Variants in PCDHB4 observed in about 807,000 individuals in gnomAD.
PCDHB4 encodes the protein protocadherin beta-4.
For synonymous variants in PCDHB4, 482 were observed against 447.3 expected, an observed-to-expected ratio of 1.08 and a Z score of -0.98; for missense variants, 1,063 against 1,007.0, an observed-to-expected ratio of 1.06 and a Z score of -0.75.
In PCDHB4 at chr5:141,122,101, T is replaced by C. The variant is rs782003483; in HGVS notation, c.103T>C (p.Leu35=). 1.9e-6 allele frequency: 3 copies of C among 1,614,208 alleles called. No homozygotes were observed. The highest frequency in any genetic ancestry group is 2.5e-6 in the Non-Finnish European group (3 of 1,180,022). Residue 35 remains leucine, a synonymous_variant, in exon 1 of 1, where the codon TTG becomes CTG. Transcript: ENST00000194152. ...VRLEPIRYSV[L]EETESGSFVA... ...CCTCGAGCCTATTCGTTATTCTGTG[T>C]TGGAGGAAACAGAGAGCGGCTCCTT...
chr5:141,123,889 G>A lies in PCDHB4; in HGVS notation c.1891G>A (p.Glu631Lys), dbSNP rs781879874. The change falls in exon 1 of 1, where the codon GAG becomes AAG. Residue 631 changes from glutamate (E) to lysine (K), a missense_variant. Physicochemically the swap from Glu to Lys is moderately conservative, Grantham distance 56 (BLOSUM62 1). Coordinates refer to ENST00000194152, the MANE Select transcript of PCDHB4 (RefSeq NM_018938.4). Reference sequence around the variant, plus strand: ...GGTGCGCACCGCCAGGCTGCTGAGCGAGCGCGACGCAGCCAAGCACAGGCT... The same window carrying A: ...GGTGCGCACCGCCAGGCTGCTGAGCAAGCGCGACGCAGCCAAGCACAGGCT... ...GEVRTARLLS[E>K]RDAAKHRLVV... 1.2e-6 allele frequency: 2 copies of A among 1,606,744 alleles called. No homozygotes were observed. Among genetic ancestry groups the A allele is most frequent in the Non-Finnish European group, 1.7e-6 (2 of 1,179,648 alleles).
At position 141,122,660 on chromosome 5, in the gene PCDHB4, G is replaced by C; in HGVS notation, c.662G>C (p.Arg221Thr). 2 of 1,614,210 alleles carry C rather than the reference G, an allele frequency of 1.2e-6. No homozygotes were observed. The highest frequency in any genetic ancestry group is 2.2e-5 in the East Asian group (1 of 44,874). Residue 221 changes from arginine to threonine, a missense_variant, in exon 1 of 1, where the codon AGG becomes ACG. Transcript: ENST00000194152. ...GCGCTGGATGGTGGGTCACCACCTAGGTCTGGCACGGTCATGGTTCGAATC... is the reference window on the plus strand; with the variant it reads ...GCGCTGGATGGTGGGTCACCACCTACGTCTGGCACGGTCATGGTTCGAATC... Reference protein sequence around the residue: ...LVALDGGSPPRSGTVMVRILI... With the variant: ...LVALDGGSPPTSGTVMVRILI...
Position 141,124,129 on chromosome 5 carries a change from C to T in PCDHB4, c.2131C>T (p.Arg711Trp). The change falls in exon 1 of 1, where the codon CGG becomes TGG. Residue 711 changes from arginine (R) to tryptophan (W), a missense_variant. Arg to Trp is a moderately radical substitution (Grantham distance 101). Coordinates refer to ENST00000194152, the MANE Select transcript of PCDHB4 (RefSeq NM_018938.4). ...LFSVLLFVAV[R>W]LCRRSRAASV... ...CTCGGTGCTCCTGTTCGTGGCGGTG[C>T]GGCTGTGCAGGAGGAGCAGGGCGGC... The T allele has an allele frequency of 1.2e-6, 2 of 1,611,284 alleles. No homozygotes were observed. The highest frequency in any genetic ancestry group is 1.7e-6 in the Non-Finnish European group (2 of 1,179,892).
rs1554274661 is a variant in PCDHB4 at position 141,123,878 on chromosome 5, G to C, written c.1880G>C (p.Arg627Thr). ...CACAATGGCGAGGTGCGCACCGCCA[G>C]GCTGCTGAGCGAGCGCGACGCAGCC... Reference protein sequence around the residue: ...WAHNGEVRTARLLSERDAAKH... With the variant: ...WAHNGEVRTATLLSERDAAKH... The change falls in exon 1 of 1, where the codon AGG becomes ACG. Residue 627 changes from arginine (R) to threonine (T), a missense_variant. Coordinates refer to ENST00000194152, the MANE Select transcript of PCDHB4 (RefSeq NM_018938.4). The C allele has an allele frequency of 5.0e-6, 8 of 1,607,198 alleles. No homozygotes were observed. The highest frequency in any genetic ancestry group is 6.8e-6 in the Non-Finnish European group (8 of 1,179,656).
chr5:141,123,420 C>T lies in PCDHB4; in HGVS notation c.1422C>T (p.Ala474=). The change falls in exon 1 of 1, where the codon GCC becomes GCT. Residue 474 remains alanine (A), a synonymous_variant. Transcript: ENST00000194152. ...CCCTGCACATCGGCAGTGTCAGCGC[C>T]ACAGACAGAGACTCGGGCACCAACG... is the stretch of plus-strand genomic sequence containing the variant. The part of the protein sequence containing the change: ...SPALHIGSVS[A]TDRDSGTNAQ... The T allele has an allele frequency of 2.5e-6, 4 of 1,610,598 alleles. No individual in the cohort carries two copies. The highest frequency in any genetic ancestry group is 3.4e-6 in the Non-Finnish European group (4 of 1,178,018).
rs782339013 is a variant in PCDHB4 at position 141,122,099 on chromosome 5, T to C, written c.101T>C (p.Val34Ala). Residue 34 changes from valine to alanine, a missense_variant, in exon 1 of 1, where the codon GTG (valine) becomes GCG (alanine). Coordinates refer to ENST00000194152, the MANE Select transcript of PCDHB4 (RefSeq NM_018938.4). ...QVRLEPIRYS[V>A]LEETESGSFV... ...CGCCTCGAGCCTATTCGTTATTCTG[T>C]GTTGGAGGAAACAGAGAGCGGCTCC... The C allele has an allele frequency of 3.1e-6, 5 of 1,614,034 alleles. No homozygotes were observed. Among genetic ancestry groups the C allele is most frequent in the Admixed American group, 1.7e-5 (1 of 60,000 alleles).
Position 141,122,797 on chromosome 5 carries a change from G to T in PCDHB4, c.799G>T (p.Asp267Tyr), listed in dbSNP as rs782533973. 1 of 1,614,138 alleles carries T rather than the reference G, an allele frequency of 6.2e-7. No individual in the cohort carries two copies. Among genetic ancestry groups the T allele is most frequent in the Non-Finnish European group, 8.5e-7 (1 of 1,180,010 alleles). ...TCCAATTGTTAGGGTCTTAGCTAGA[G>T]ATATAGATGCTGGAAACTTCGGGAG... is the stretch of plus-strand genomic sequence containing the variant. ...DSPIVRVLAR[D>Y]IDAGNFGSVS... Residue 267 changes from aspartate (D) to tyrosine (Y), a missense_variant, in exon 1 of 1, where the codon GAT (aspartate) becomes TAT (tyrosine). Physicochemically the swap from Asp to Tyr is radical, Grantham distance 160. Coordinates refer to ENST00000194152, the MANE Select transcript of PCDHB4 (RefSeq NM_018938.4).
chr5:141,122,046 T>G lies in PCDHB4; in HGVS notation c.48T>G (p.Phe16Leu). ...RIHPNRQVLAFILMVFLSQVR... is the reference protein window; with the variant it reads ...RIHPNRQVLALILMVFLSQVR... ...ATCCAAACAGGCAAGTGTTGGCCTT[T>G]ATTTTGATGGTGTTCTTGTCTCAGG... Residue 16 changes from phenylalanine to leucine, a missense_variant, in exon 1 of 1, where the codon TTT (phenylalanine) becomes TTG (leucine). Coordinates refer to ENST00000194152, the MANE Select transcript of PCDHB4 (RefSeq NM_018938.4). 6.2e-7 allele frequency: 1 copy of G among 1,613,324 alleles called. No individual in the cohort carries two copies.
Position 141,123,338 on chromosome 5 carries a change from C to A in PCDHB4, c.1340C>A (p.Ala447Asp), listed in dbSNP as rs61734922. The A allele has an allele frequency of 1.7e-3, 2,686 of 1,614,088 alleles. 43 individuals carry two copies. The African/African-American group carries it at 0.032, about 19-fold the overall frequency. Residue 447 changes from alanine to aspartate, a missense_variant, in exon 1 of 1, where the codon GCC becomes GAC. Coordinates refer to ENST00000194152, the MANE Select transcript of PCDHB4 (RefSeq NM_018938.4). ...CAGGTCTCCGACGTCAATGACAACG[C>A]CCCCGCCTTCACCCAAACCTCCTAC... is the stretch of plus-strand genomic sequence containing the variant. ...TVQVSDVNDN[A>D]PAFTQTSYTL...
At position 141,124,556 on chromosome 5, in the gene PCDHB4, C is replaced by T; in HGVS notation, c.*170C>T. 1 of 575,288 alleles carries T rather than the reference C, an allele frequency of 1.7e-6. No individual in the cohort carries two copies. Among genetic ancestry groups the T allele is most frequent in the East Asian group, 2.9e-5 (1 of 33,902 alleles). 35.6% of individuals were successfully genotyped at this position (575,288 alleles called of 1,614,324 possible). A position where few individuals can be genotyped will look rare whatever the true frequency, so the allele number is the denominator to read the frequency against. ...CCCTTTTTTATTGTTATTAATTGCA[C>T]TTAACATTTTTAGTTATACTGGATA... is the stretch of plus-strand genomic sequence containing the variant. On this transcript the variant is annotated 3_prime_UTR_variant, in exon 1 of 1. Coordinates refer to ENST00000194152, the MANE Select transcript of PCDHB4 (RefSeq NM_018938.4).
rs370474923 is a variant in PCDHB4 at position 141,122,746 on chromosome 5, G to C, written c.748G>C (p.Val250Leu). The stretch of plus-strand genomic sequence containing the variant: ...TGTGCACACTCCATATGGGGTGCAG[G>C]TCCTGGAAAACAGCCCCCTAGACTC... Reference protein sequence around the residue: ...EFVHTPYGVQVLENSPLDSPI... With the variant: ...EFVHTPYGVQLLENSPLDSPI... The change falls in exon 1 of 1, where the codon GTC (valine) becomes CTC (leucine). Residue 250 changes from valine to leucine, a missense_variant. Val to Leu is a conservative substitution (Grantham distance 32). Transcript: ENST00000194152. 1.2e-6 allele frequency: 2 copies of C among 1,614,084 alleles called. No individual in the cohort carries two copies. Among genetic ancestry groups the C allele is most frequent in the Non-Finnish European group, 1.7e-6 (2 of 1,179,970 alleles).
Position 141,122,943 on chromosome 5 carries a change from T to G in PCDHB4, c.945T>G (p.His315Gln). The change falls in exon 1 of 1, where the codon CAT becomes CAG. Residue 315 changes from histidine to glutamine, a missense_variant. His to Gln is a conservative substitution (Grantham distance 24). Transcript: ENST00000194152. ...KLDFEKIKSY[H>Q]VEIEATDGGG... is the part of the protein sequence containing the mutation. ...ATTTCGAAAAAATTAAATCTTACCATGTAGAAATTGAGGCCACAGATGGAG... is the reference window on the plus strand; with the variant it reads ...ATTTCGAAAAAATTAAATCTTACCAGGTAGAAATTGAGGCCACAGATGGAG... 1 of 1,611,548 alleles carries G rather than the reference T, an allele frequency of 6.2e-7. No individual in the cohort carries two copies. The highest frequency in any genetic ancestry group is 1.1e-5 in the South Asian group (1 of 90,604).
Position 141,124,146 on chromosome 5 carries a change from C to T in PCDHB4, c.2148C>T (p.Ser716=). Residue 716 remains serine (S), a synonymous_variant, in exon 1 of 1, where the codon AGC becomes AGT. Transcript: ENST00000194152. The part of the protein sequence containing the change: ...LFVAVRLCRR[S]RAASVGRCSV... The stretch of plus-strand genomic sequence containing the variant: ...TGGCGGTGCGGCTGTGCAGGAGGAG[C>T]AGGGCGGCCTCGGTGGGTCGCTGCT... 4 of 1,612,182 alleles carry T rather than the reference C, an allele frequency of 2.5e-6. No homozygotes were observed. The highest frequency in any genetic ancestry group is 2.5e-6 in the Non-Finnish European group (3 of 1,179,952).
rs531955834 is a variant in PCDHB4 at position 141,125,129 on chromosome 5, C to A, written c.*743C>A. ...AAAAATCTCATATAATTTGTCATAA[C>A]CTTTCAATAAATAAAACTGTTAAAT... On this transcript the variant is annotated 3_prime_UTR_variant, in exon 1 of 1. Transcript: ENST00000194152. The A allele has an allele frequency of 8.6e-5, 13 of 151,964 alleles. No individual in the cohort carries two copies. The East Asian group carries it at 2.5e-3, about 29-fold the overall frequency. The allele number at this position is 151,964 out of a possible 1,614,324, so 9.4% of individuals were successfully genotyped here.
Position 141,121,853 on chromosome 5 carries a change from C to T in PCDHB4, c.-146C>T. 1.7e-6 allele frequency: 1 copy of T among 603,128 alleles called. No individual in the cohort carries two copies. Among genetic ancestry groups the T allele is most frequent in the Non-Finnish European group, 2.9e-6 (1 of 342,874 alleles). 37.4% of individuals were successfully genotyped at this position (603,128 alleles called of 1,614,324 possible). On this transcript the variant is annotated 5_prime_UTR_variant, in exon 1 of 1. Transcript: ENST00000194152. ...AGCGTTACAAGCAGTGCAGGTTTAC[C>T]AACGGCTTGGGGCAGCGATATACTA...
Position 141,123,090 on chromosome 5 carries a change from C to T in PCDHB4, c.1092C>T (p.Val364=). ...SIPENAPETV[V]SIFRIRDRDS... is the part of the protein sequence containing the mutation. ...CAGAAAATGCTCCTGAGACGGTAGTCTCTATCTTCCGAATTCGAGATAGAG... is the reference window on the plus strand; with the variant it reads ...CAGAAAATGCTCCTGAGACGGTAGTTTCTATCTTCCGAATTCGAGATAGAG... The change falls in exon 1 of 1, where the codon GTC becomes GTT. Residue 364 remains valine (V), a synonymous_variant. Coordinates refer to ENST00000194152, the MANE Select transcript of PCDHB4 (RefSeq NM_018938.4). 1 of 1,613,828 alleles carries T rather than the reference C, an allele frequency of 6.2e-7. No homozygotes were observed. Among genetic ancestry groups the T allele is most frequent in the Admixed American group, 1.7e-5 (1 of 59,974 alleles).
In PCDHB4 at chr5:141,122,502, A is replaced by G. The variant is rs1752306462; in HGVS notation, c.504A>G (p.Lys168=). The change falls in exon 1 of 1, where the codon AAA becomes AAG. Residue 168 remains lysine, a synonymous_variant. Coordinates refer to ENST00000194152, the MANE Select transcript of PCDHB4 (RefSeq NM_018938.4). Reference sequence around the variant, plus strand: ...ATGTGGGCAGCAATGGTCTTCAAAAATACACAATCAGCCCCAATTCTCATT... The same window carrying G: ...ATGTGGGCAGCAATGGTCTTCAAAAGTACACAATCAGCCCCAATTCTCATT... ...DLDVGSNGLQ[K]YTISPNSHFH... is the part of the protein sequence containing the mutation. 1 of 1,614,128 alleles carries G rather than the reference A, an allele frequency of 6.2e-7. No individual in the cohort carries two copies. The highest frequency in any genetic ancestry group is 8.5e-7 in the Non-Finnish European group (1 of 1,180,052).
rs1752363599 is a variant in PCDHB4 at position 141,124,030 on chromosome 5, G to A, written c.2032G>A (p.Ala678Thr). ...PYLPLPEAAPAQAQADSLTVY... is the reference protein window; with the variant it reads ...PYLPLPEAAPTQAQADSLTVY... ...CCTGCCTCTCCCTGAGGCGGCCCCG[G>A]CCCAGGCCCAGGCCGACTCTCTCAC... The change falls in exon 1 of 1, where the codon GCC becomes ACC. Residue 678 changes from alanine (A) to threonine (T), a missense_variant. Physicochemically the swap from Ala to Thr is moderately conservative, Grantham distance 58. Transcript: ENST00000194152. 5.0e-6 allele frequency: 8 copies of A among 1,605,720 alleles called. No individual in the cohort carries two copies. Among genetic ancestry groups the A allele is most frequent in the Non-Finnish European group, 5.9e-6 (7 of 1,179,722 alleles).
Position 141,123,874 on chromosome 5 carries a change from G to A in PCDHB4, c.1876G>A (p.Ala626Thr), listed in dbSNP as rs1554274657. The change falls in exon 1 of 1, where the codon GCC becomes ACC. Residue 626 changes from alanine to threonine, a missense_variant. Coordinates refer to ENST00000194152, the MANE Select transcript of PCDHB4 (RefSeq NM_018938.4). ...GGCGCACAATGGCGAGGTGCGCACC[G>A]CCAGGCTGCTGAGCGAGCGCGACGC... ...VWAHNGEVRT[A>T]RLLSERDAAK... 1 of 1,607,268 alleles carries A rather than the reference G, an allele frequency of 6.2e-7. No homozygotes were observed. The highest frequency in any genetic ancestry group is 2.2e-5 in the East Asian group (1 of 44,872).
Sources: gnomAD v4.1 joint callset for allele counts on GRCh38, gnomAD v4.1.1 for gene constraint, MANE v1.5 for transcripts, NCBI Gene and HGNC (gene_info 2026-07-23, HGNC 2026-07-21) for gene names.